Variants in RASAL2 observed in about 807,000 individuals in gnomAD.
The protein encoded by RASAL2 is RAS protein activator like 2, also known as ras GTPase-activating protein nGAP.
A neutral mutation model predicts 128.9 loss-of-function variants in RASAL2; 58 were observed. The observed-to-expected ratio is 0.45, with a 90% CI of 0.36 to 0.56. The LOEUF (loss-of-function observed/expected upper bound fraction) is 0.56, where lower values mean the gene tolerates loss of function less well. RASAL2 is among the 20% of genes least tolerant of loss of function. RASAL2 has a pLI of 0.00. For missense variants in RASAL2, 1,360 were observed against 1,601.6 expected (o/e 0.85, Z 2.57); for synonymous variants, 561 against 580.8 (o/e 0.97, Z 0.49).
intron 1 of RASAL2, among the ~76,000 whole-genome samples, chr1:178,225,822 G>A (rs896347166): frequency 2.0e-5 from 3 of 151,930 alleles, no homozygotes; most frequent in African/African-American, 7.3e-5. Flanking sequence ...GAATGTAAGT[G>A]CAAAAGATTG....
chr1:178,371,355 T>TACACACACACACACCCACAC (rs1671703784), intron 3 of RASAL2, among the ~76,000 whole-genome samples: 1 of 127,666 alleles, frequency 7.8e-6, no homozygotes, highest in Admixed American at 7.8e-5. Flanking sequence ...CACACACAAA[T>TACACACACACACACCCACAC]ACACACACAC....
At chr1:178,429,504 C>A (rs1199246439) in intron 5 of RASAL2, among the ~76,000 whole-genome samples, 1 of 152,138 alleles carries the variant, frequency 6.6e-6, no homozygotes, top group African/African-American at 2.4e-5. Flanking sequence ...GGTAGTGGAA[C>A]TGGTTCTAAC....
rs192859171 is a variant in RASAL2 at position 178,199,893 on chromosome 1, C to T, written c.203-83671C>T. Among the ~76,000 whole-genome samples, 20 of 152,124 alleles carry T rather than the reference C, an allele frequency of 1.3e-4. No individual in the cohort carries two copies. In the East Asian group the frequency reaches 3.7e-3, roughly 28 times the overall value. ...ACCATCTAATCAGCTGCCAGCGTGGCCAGAATAAAAAACAGGCAGAAGATC... is the reference window on the plus strand; with the variant it reads ...ACCATCTAATCAGCTGCCAGCGTGGTCAGAATAAAAAACAGGCAGAAGATC... On this transcript the variant is annotated intron_variant, in intron 1 of 17. Coordinates refer to ENST00000367649, the MANE Select transcript of RASAL2 (RefSeq NM_170692.4).
chr1:178,337,715 A>G (rs1285253428), intron 3 of RASAL2, among the ~76,000 whole-genome samples: 1 of 151,796 alleles, frequency 6.6e-6, no homozygotes, highest in Non-Finnish European at 1.5e-5. Context: ...TTTGATAAGC[A>G]ATAAAATTGA....
chr1:178,175,472 G>GTGT (rs60858080), intron 1 of RASAL2, among the ~76,000 whole-genome samples: 2 of 151,064 alleles, frequency 1.3e-5, no homozygotes, highest in African/African-American at 2.4e-5. Flanking sequence ...GTGTGTGTGT[G>GTGT]ATAACTATGC....
intron 1 of RASAL2, among the ~76,000 whole-genome samples, chr1:178,247,451 A>G (rs1267528432): frequency 6.6e-6 from 1 of 151,248 alleles, no homozygotes. Context: ...TATTTTGTCT[A>G]TTTGATTCTT....
intron 3 of RASAL2, among the ~76,000 whole-genome samples, chr1:178,340,986 G>A (rs183951350): frequency 6.6e-6 from 1 of 152,272 alleles, no homozygotes; most frequent in Non-Finnish European, 1.5e-5. Flanking sequence ...CTAAATTTTA[G>A]ATATTTCCGT....
chr1:178,453,761 G>C (rs995152301), intron 11 of RASAL2, among the ~76,000 whole-genome samples: 3 of 152,040 alleles, frequency 2.0e-5, no homozygotes, highest in Non-Finnish European at 1.5e-5. Context: ...GATTTACTCA[G>C]TATTGATGCT....
chr1:178,411,771 A>G, intron 4 of RASAL2: 1 of 787,682 alleles, frequency 1.3e-6, no homozygotes, highest in Non-Finnish European at 2.3e-6. Context: ...AATCCTCGCC[A>G]TGTGCTGCTT....
At chr1:178,437,532 T>C (rs1397079481) in intron 5 of RASAL2, among the ~76,000 whole-genome samples, 2 of 152,106 alleles carry the variant, frequency 1.3e-5, no homozygotes, top group Admixed American at 1.3e-4. Context: ...CCTAGAGAAT[T>C]TAAAAAATAA....
intron 3 of RASAL2, among the ~76,000 whole-genome samples, chr1:178,321,943 G>A (rs148771002): frequency 0.065 from 9,885 of 151,372 alleles, 450 homozygotes; most frequent in Middle Eastern, 0.14. Context: ...AGCCGAGATC[G>A]CGCCATTGCA....
chr1:178,277,674 T>C (rs1046418573), intron 1 of RASAL2, among the ~76,000 whole-genome samples: 5 of 152,246 alleles, frequency 3.3e-5, no homozygotes, highest in African/African-American at 1.2e-4. Flanking sequence ...CCACAACAGT[T>C]CAGACTTCTG....
intron 4 of RASAL2, among the ~76,000 whole-genome samples, chr1:178,401,347 T>C (rs903851811): frequency 6.6e-6 from 1 of 152,208 alleles, no homozygotes; most frequent in African/African-American, 2.4e-5. Flanking sequence ...GGGTGGAATT[T>C]AGTGAGTAGG....
chr1:178,355,933 G>A (rs1670781191), intron 3 of RASAL2, among the ~76,000 whole-genome samples: 2 of 152,338 alleles, frequency 1.3e-5, no homozygotes, highest in African/African-American at 2.4e-5. Context: ...CACTTTGGGA[G>A]GCCGAGGCAG....
At chr1:178,168,165 TTTAAAC>T (rs1209774582) in intron 1 of RASAL2, among the ~76,000 whole-genome samples, 2 of 152,036 alleles carry the variant, frequency 1.3e-5, no homozygotes, top group African/African-American at 2.4e-5. Flanking sequence ...CCTGTACACT[TTTAAAC>T]TTAAATACTC....
intron 1 of RASAL2, among the ~76,000 whole-genome samples, chr1:178,114,602 A>G (rs768628196): frequency 2.0e-4 from 30 of 151,580 alleles, no homozygotes; most frequent in Non-Finnish European, 4.1e-4. Flanking sequence ...GCTCACTGCA[A>G]GCTCCGCCTC....
In RASAL2 at chr1:178,094,250, C is replaced by G. The variant is rs1658575525; in HGVS notation, c.-243C>G. 1.9e-6 allele frequency: 1 copy of G among 522,704 alleles called. No homozygotes were observed. Among genetic ancestry groups the G allele is most frequent in the African/African-American group, 2.1e-5 (1 of 48,700 alleles). 32.4% of individuals were successfully genotyped at this position (522,704 alleles called of 1,614,324 possible). On this transcript the variant is annotated 5_prime_UTR_variant, in exon 1 of 18. Coordinates refer to ENST00000367649, the MANE Select transcript of RASAL2 (RefSeq NM_170692.4). ...ACCTGAGCCCGGACCCACCCTTGGT[C>G]GGGGCCACGCTGGATCCTCCTCCCG... is the stretch of plus-strand genomic sequence containing the variant.
At chr1:178,399,213 C>A (rs568148119) in intron 4 of RASAL2, among the ~76,000 whole-genome samples, 40 of 152,274 alleles carry the variant, frequency 2.6e-4, no homozygotes, top group African/African-American at 9.4e-4. Flanking sequence ...CACTCTCTGA[C>A]CCTGGCAGGG....
Position 178,477,823 on chromosome 1 carries a change from T to C in RASAL2, c.*4584T>C, listed in dbSNP as rs1362862259. ...TAAAAAATGTACTATATGTGTTATA[T>C]GTATATATAAGTTAAAGCAACTTGA... On this transcript the variant is annotated 3_prime_UTR_variant, in exon 18 of 18. Coordinates refer to ENST00000367649, the MANE Select transcript of RASAL2 (RefSeq NM_170692.4). The C allele has an allele frequency of 6.6e-6, 1 of 152,226 alleles. No homozygotes were observed. Among genetic ancestry groups the C allele is most frequent in the African/African-American group, 2.4e-5 (1 of 41,458 alleles). 9.4% of individuals were successfully genotyped at this position (152,226 alleles called of 1,614,324 possible).
Sources: allele counts gnomAD v4.1 joint callset (sites outside exome capture counted in the v4.1 genomes callset), GRCh38; gene constraint gnomAD v4.1.1; transcripts MANE v1.5; gene names NCBI Gene and HGNC (gene_info 2026-07-23, HGNC 2026-07-21).